YIPF4: variants seen among roughly 807,000 people sequenced by gnomAD.
YIPF4 encodes the protein Yip1 domain family member 4.
A neutral mutation model predicts 29.4 loss-of-function variants in YIPF4; 18 were observed. The ratio of observed to expected loss-of-function variants is 0.61; its 90% CI spans 0.42 to 0.91. YIPF4 has a LOEUF of 0.91. YIPF4 is among the 40% of genes least tolerant of loss of function. YIPF4 has a pLI of 0.00. For missense variants in YIPF4, 279 were observed against 282.7 expected, an observed-to-expected ratio of 0.99 and a Z score of 0.09; for synonymous variants, 115 against 104.7, an observed-to-expected ratio of 1.10 and a Z score of -0.60.
chr2:32,285,657 T>C (rs1418797184), intron 1 of YIPF4, among the ~76,000 whole-genome samples: 9 of 138,600 alleles, frequency 6.5e-5, no homozygotes, highest in African/African-American at 1.6e-4. Context: ...TAGTTTTTCC[T>C]TTTTTTTTTT....
At chr2:32,286,382 C>T (rs2030670126) in intron 1 of YIPF4, among the ~76,000 whole-genome samples, 1 of 151,902 alleles carries the variant, frequency 6.6e-6, no homozygotes, top group South Asian at 2.1e-4. Flanking sequence ...AGACATAAGA[C>T]AAAAGAAATT....
Position 32,305,908 on chromosome 2 carries a change from C to T in YIPF4, c.*282C>T. The T allele has an allele frequency of 1.9e-6, 2 of 1,039,348 alleles. No homozygotes were observed. The allele number at this position is 1,039,348 out of a possible 1,614,324, so 64.4% of individuals were successfully genotyped here. The stretch of plus-strand genomic sequence containing the variant: ...TTTTTAAGATTGTGTCGATATTCAC[C>T]TAAAAACTTGTGCCAAAAGCACCTG... On this transcript the variant is annotated 3_prime_UTR_variant, in exon 6 of 6. Transcript: ENST00000238831.
chr2:32,308,031 C>T lies in YIPF4; in HGVS notation c.*2405C>T, dbSNP rs1485079906. ...TAAGATGACCCTAATAATGTCCTCTCCTTGAATTTTTATATAATAATATTT... is the reference window on the plus strand; with the variant it reads ...TAAGATGACCCTAATAATGTCCTCTTCTTGAATTTTTATATAATAATATTT... On this transcript the variant is annotated 3_prime_UTR_variant, in exon 6 of 6. Coordinates refer to ENST00000238831, the MANE Select transcript of YIPF4 (RefSeq NM_032312.4). 1 of 151,390 alleles carries T rather than the reference C, an allele frequency of 6.6e-6. No homozygotes were observed. The highest frequency in any genetic ancestry group is 1.5e-5 in the Non-Finnish European group (1 of 67,952). The allele number at this position is 151,390 out of a possible 1,614,324, so 9.4% of individuals were successfully genotyped here.
intron 3 of YIPF4, among the ~76,000 whole-genome samples, chr2:32,297,296 G>C (rs2031229927): frequency 6.6e-6 from 1 of 151,618 alleles, no homozygotes; most frequent in African/African-American, 2.4e-5. Flanking sequence ...GGCTAATTTT[G>C]TATTTTTTTT....
At position 32,298,226 on chromosome 2, in the gene YIPF4, C is replaced by T; in HGVS notation, c.406-8C>T. On this transcript the variant is annotated splice_region_variant and splice_polypyrimidine_tract_variant and intron_variant, in intron 3 of 5. Coordinates refer to ENST00000238831, the MANE Select transcript of YIPF4 (RefSeq NM_032312.4). ...AAAAATATTAATTGCATGATTTTTC[C>T]CCCTAAGGTGGTCTCATGGATTATA... is the stretch of plus-strand genomic sequence containing the variant. The T allele has an allele frequency of 1.3e-6, 2 of 1,583,820 alleles. No individual in the cohort carries two copies. The highest frequency in any genetic ancestry group is 2.3e-5 in the East Asian group (1 of 44,156).
rs754903995 is a variant in YIPF4 at position 32,305,583 on chromosome 2, T to C, written c.692T>C (p.Phe231Ser). 2.5e-6 allele frequency: 4 copies of C among 1,608,762 alleles called. No individual in the cohort carries two copies. In the Admixed American group the frequency reaches 6.7e-5, roughly 27 times the overall value. ...AAGCCTCTTCTGATTTATCCAATCTTTTTATTATACATTTATTTTTTGTCG... is the reference window on the plus strand; with the variant it reads ...AAGCCTCTTCTGATTTATCCAATCTCTTTATTATACATTTATTTTTTGTCG... ...TKKPLLIYPIFLLYIYFLSLY... is the reference protein window; with the variant it reads ...TKKPLLIYPISLLYIYFLSLY... The change falls in exon 6 of 6, where the codon TTT becomes TCT. Residue 231 changes from phenylalanine to serine, a missense_variant. Physicochemically the swap from Phe to Ser is radical, Grantham distance 155. Transcript: ENST00000238831.
chr2:32,280,041 G>C (rs906843516), intron 1 of YIPF4, among the ~76,000 whole-genome samples: 4 of 150,408 alleles, frequency 2.7e-5, no homozygotes, highest in African/African-American at 4.9e-5. Context: ...GAGACCGTCT[G>C]GTGGCTGGTT....
At chr2:32,299,460 A>C (rs1291420714) in intron 4 of YIPF4, among the ~76,000 whole-genome samples, 1 of 152,350 alleles carries the variant, frequency 6.6e-6, no homozygotes. Flanking sequence ...ATACAGGTAT[A>C]TAATTGAAAA....
chr2:32,279,742 G>C (rs1456483648), intron 1 of YIPF4, among the ~76,000 whole-genome samples: 2 of 151,940 alleles, frequency 1.3e-5, no homozygotes, highest in Non-Finnish European at 2.9e-5. Context: ...AAATTTTATG[G>C]TGTATCAGTA....
chr2:32,285,133 AAGTGGAC>A (rs1254080243), intron 1 of YIPF4, among the ~76,000 whole-genome samples: 2 of 152,190 alleles, frequency 1.3e-5, no homozygotes, highest in Admixed American at 6.5e-5. Context: ...TAGAAATGGT[AAGTGGAC>A]AGACATTTAA....
chr2:32,291,388 G>T (rs932852358), intron 2 of YIPF4, among the ~76,000 whole-genome samples: 2 of 152,070 alleles, frequency 1.3e-5, no homozygotes, highest in Non-Finnish European at 2.9e-5. Flanking sequence ...TACAAAAAAA[G>T]AAAAAATTAG....
intron 2 of YIPF4, among the ~76,000 whole-genome samples, chr2:32,291,754 A>G (rs759815117): frequency 1.3e-5 from 2 of 152,226 alleles, no homozygotes; most frequent in Non-Finnish European, 2.9e-5. Context: ...TTGACAGTGG[A>G]TAAGATGTTG....
chr2:32,278,120 C>G lies in YIPF4; in HGVS notation c.-36C>G. The G allele has an allele frequency of 2.6e-6, 4 of 1,535,948 alleles. No individual in the cohort carries two copies. The highest frequency in any genetic ancestry group is 3.5e-6 in the Non-Finnish European group (4 of 1,140,010). Reference sequence around the variant, plus strand: ...CCTCGGGGTCTGGGCCCAGCCGCAGCCTCTTCTACCGCGGCCGGTTGGGAG... The same window carrying G: ...CCTCGGGGTCTGGGCCCAGCCGCAGGCTCTTCTACCGCGGCCGGTTGGGAG... On this transcript the variant is annotated 5_prime_UTR_variant, in exon 1 of 6. Transcript: ENST00000238831.
In YIPF4 at chr2:32,315,460, T is replaced by G. The variant is rs1421742994; in HGVS notation, c.*9834T>G. 6.6e-6 allele frequency: 1 copy of G among 152,290 alleles called. No individual in the cohort carries two copies. The highest frequency in any genetic ancestry group is 1.9e-4 in the East Asian group (1 of 5,194). The allele number at this position is 152,290 out of a possible 1,614,324, so 9.4% of individuals were successfully genotyped here. A position where few individuals can be genotyped will look rare whatever the true frequency, so the allele number is the denominator to read the frequency against. On this transcript the variant is annotated 3_prime_UTR_variant, in exon 6 of 6. Coordinates refer to ENST00000238831, the MANE Select transcript of YIPF4 (RefSeq NM_032312.4). Reference sequence around the variant, plus strand: ...ACATGGTAGGCCAGTCTGAAAAATGTAAAGCTGGGCTGCGCGCGGTGGCTC... The same window carrying G: ...ACATGGTAGGCCAGTCTGAAAAATGGAAAGCTGGGCTGCGCGCGGTGGCTC...
intron 3 of YIPF4, among the ~76,000 whole-genome samples, chr2:32,293,394 C>G (rs1369531647): frequency 6.6e-6 from 1 of 152,174 alleles, no homozygotes; most frequent in East Asian, 1.9e-4. Flanking sequence ...TTTCAGAGAG[C>G]ACAGGTTTGG....
At chr2:32,295,548 ATC>A (rs1463661841) in intron 3 of YIPF4, among the ~76,000 whole-genome samples, 1 of 151,954 alleles carries the variant, frequency 6.6e-6, no homozygotes, top group East Asian at 1.9e-4. Context: ...CGTCACTATG[ATC>A]TCTGTTTCCA....
intron 3 of YIPF4, among the ~76,000 whole-genome samples, chr2:32,295,350 A>G (rs2031137387): frequency 6.6e-6 from 1 of 152,166 alleles, no homozygotes; most frequent in Non-Finnish European, 1.5e-5. Flanking sequence ...AAACTGCTAC[A>G]AGCTTAGTGG....
chr2:32,297,413 G>C (rs908854231), intron 3 of YIPF4, among the ~76,000 whole-genome samples: 2 of 151,980 alleles, frequency 1.3e-5, no homozygotes, highest in African/African-American at 2.4e-5. Context: ...GAGCCACTGT[G>C]CCTGGCCAAC....
intron 4 of YIPF4, among the ~76,000 whole-genome samples, chr2:32,300,225 C>T (rs987629652): frequency 1.3e-5 from 2 of 151,992 alleles, no homozygotes; most frequent in Non-Finnish European, 2.9e-5. Context: ...ATGATCGCAA[C>T]ATTGCACTTT....
Sources: gnomAD v4.1 joint callset for allele counts (sites outside exome capture counted in the v4.1 genomes callset) on GRCh38, gnomAD v4.1.1 for gene constraint, MANE v1.5 for transcripts, NCBI Gene and HGNC (gene_info 2026-07-23, HGNC 2026-07-21) for gene names.